Variants in MCU observed in about 807,000 individuals in gnomAD.
MCU encodes calcium uniporter protein, mitochondrial.
In MCU, 12 loss-of-function variants were observed where a neutral mutation model predicts 45.2. That is an observed-to-expected ratio of 0.27 (90% CI 0.17 to 0.43). The LOEUF is 0.43. Ranked by LOEUF, MCU falls within the 20% of genes least tolerant of loss-of-function variation. MCU has a pLI of 1.00. For missense variants in MCU, 324 were observed against 436.7 expected (o/e 0.74, Z 2.30); for synonymous variants, 160 against 165.1 (o/e 0.97, Z 0.24).
At chr10:72,788,755 A>G (rs1844114998) in intron 1 of MCU, among the ~76,000 whole-genome samples, 1 of 152,270 alleles carries the variant, frequency 6.6e-6, no homozygotes, top group Non-Finnish European at 1.5e-5. Context: ...ATGTCTTTTT[A>G]GAAAGCATTT....
intron 2 of MCU, among the ~76,000 whole-genome samples, chr10:72,852,145 C>T (rs569474714): frequency 1.3e-4 from 20 of 152,224 alleles, no homozygotes; most frequent in African/African-American, 3.9e-4. Flanking sequence ...TTAATGACTT[C>T]GTCATCATTA....
At position 72,885,995 on chromosome 10, in the gene MCU, A is replaced by G; in HGVS notation, c.*173A>G. 1 of 581,654 alleles carries G rather than the reference A, an allele frequency of 1.7e-6. No homozygotes were observed. The highest frequency in any genetic ancestry group is 3.1e-6 in the Non-Finnish European group (1 of 327,152). 36.0% of individuals were successfully genotyped at this position (581,654 alleles called of 1,614,324 possible). A position where few individuals can be genotyped will look rare whatever the true frequency, so the allele number is the denominator to read the frequency against. On this transcript the variant is annotated 3_prime_UTR_variant, in exon 8 of 8. Transcript: ENST00000373053. Reference sequence around the variant, plus strand: ...AAGGGAATGTTAAAACCTGAGGATCAGGCATTGTGGAATATAAGCTCAAAG... The same window carrying G: ...AAGGGAATGTTAAAACCTGAGGATCGGGCATTGTGGAATATAAGCTCAAAG...
rs1394305608 is a variant in MCU, at chr10:72,871,472, C to T, written c.753C>T (p.Ala251=). 2 of 1,614,078 alleles carry T rather than the reference C, an allele frequency of 1.2e-6. No homozygotes were observed. Among genetic ancestry groups the T allele is most frequent in the East Asian group, 2.2e-5 (1 of 44,884 alleles). The part of the protein sequence containing the change: ...AYMATQFGIL[A]RLTWWEYSWD... ...TGGCCACACAGTTTGGCATTTTGGCCCGGCTTACCTGGTGGGAATATTCCT... is the reference window on the plus strand; with the variant it reads ...TGGCCACACAGTTTGGCATTTTGGCTCGGCTTACCTGGTGGGAATATTCCT... The change falls in exon 6 of 8, where the codon GCC becomes GCT. Residue 251 remains alanine, a synonymous_variant. Transcript: ENST00000373053.
chr10:72,731,407 T>C (rs1452975146), intron 1 of MCU, among the ~76,000 whole-genome samples: 2 of 152,180 alleles, frequency 1.3e-5, no homozygotes, highest in Non-Finnish European at 2.9e-5. Context: ...TTAACTTCAG[T>C]GTCAAAGAGT....
intron 1 of MCU, among the ~76,000 whole-genome samples, chr10:72,711,188 A>G (rs933367098): frequency 6.6e-6 from 1 of 151,978 alleles, no homozygotes; most frequent in African/African-American, 2.4e-5. Flanking sequence ...AAAAAAAAAA[A>G]AAGTATTACA....
At chr10:72,783,628 A>G (rs1054431306) in intron 1 of MCU, among the ~76,000 whole-genome samples, 1 of 152,170 alleles carries the variant, frequency 6.6e-6, no homozygotes, top group African/African-American at 2.4e-5. Flanking sequence ...GGATAAAGAG[A>G]GGATTTTGTT....
intron 1 of MCU, chr10:72,693,136 C>A (rs963165209): frequency 1.1e-5 from 16 of 1,467,280 alleles, no homozygotes; most frequent in African/African-American, 1.4e-5. Flanking sequence ...CATTGGCTGG[C>A]AGAAAAAGAG....
chr10:72,827,945 A>G (rs1417615747), intron 1 of MCU, among the ~76,000 whole-genome samples: 1 of 152,200 alleles, frequency 6.6e-6, no homozygotes, highest in Non-Finnish European at 1.5e-5. Flanking sequence ...GATTAGAAGT[A>G]GTAAATGTTG....
chr10:72,765,778 C>T (rs1472290714), intron 1 of MCU, among the ~76,000 whole-genome samples: 4 of 124,052 alleles, frequency 3.2e-5, no homozygotes, highest in East Asian at 2.1e-4. Context: ...CAAAGCCAGA[C>T]GCTGTCTCAA....
intron 1 of MCU, among the ~76,000 whole-genome samples, chr10:72,746,832 G>T (rs1303641555): frequency 6.6e-6 from 1 of 152,186 alleles, no homozygotes; most frequent in Non-Finnish European, 1.5e-5. Context: ...TAGTTATTAT[G>T]TACTGAATTG....
rs1279772936 is a variant in MCU, at chr10:72,753,012, T to G, written c.150+60711T>G. Among the ~76,000 whole-genome samples the G allele has an allele frequency of 2.0e-5, 3 of 152,202 alleles. No homozygotes were observed. The East Asian group carries it at 5.8e-4, about 29-fold the overall frequency. ...GACATGTGGATATAAAACACCATCT[T>G]TTCTATTGAGAGGCCCTAATTTAAA... On this transcript the variant is annotated intron_variant, in intron 1 of 7. Coordinates refer to ENST00000373053, the MANE Select transcript of MCU (RefSeq NM_138357.3).
chr10:72,770,404 G>A (rs1404793407), intron 1 of MCU, among the ~76,000 whole-genome samples: 3 of 151,834 alleles, frequency 2.0e-5, no homozygotes, highest in South Asian at 2.1e-4. Flanking sequence ...CTTCAGATTT[G>A]TACTAACTCA....
intron 1 of MCU, among the ~76,000 whole-genome samples, chr10:72,830,464 G>A (rs971545472): frequency 6.6e-6 from 1 of 152,112 alleles, no homozygotes; most frequent in Non-Finnish European, 1.5e-5. Flanking sequence ...TAAGAGATAC[G>A]GAAGGGGAAA....
chr10:72,743,151 G>A (rs889248215), intron 1 of MCU, among the ~76,000 whole-genome samples: 1 of 151,996 alleles, frequency 6.6e-6, no homozygotes, highest in African/African-American at 2.4e-5. Flanking sequence ...GCTCACACCT[G>A]TAATCCCGGC....
At chr10:72,722,525 T>C (rs545939170) in intron 1 of MCU, among the ~76,000 whole-genome samples, 75 of 151,536 alleles carry the variant, frequency 4.9e-4, no homozygotes, top group East Asian at 3.7e-3. Flanking sequence ...TTCTTTCTTT[T>C]TTTTTTTTTA....
At chr10:72,788,558 G>A (rs922936354) in intron 1 of MCU, among the ~76,000 whole-genome samples, 8 of 152,138 alleles carry the variant, frequency 5.3e-5, no homozygotes, top group African/African-American at 1.4e-4. Context: ...CCCAGGAGTT[G>A]GAGGCTGCAG....
intron 1 of MCU, among the ~76,000 whole-genome samples, chr10:72,699,485 T>C (rs558635787): frequency 6.6e-6 from 1 of 151,458 alleles, no homozygotes; most frequent in African/African-American, 2.4e-5. Flanking sequence ...CCAGCCTGGG[T>C]GACAGAGCAA....
At chr10:72,830,139 C>T (rs557606482) in intron 1 of MCU, among the ~76,000 whole-genome samples, 1 of 152,284 alleles carries the variant, frequency 6.6e-6, no homozygotes, top group African/African-American at 2.4e-5. Flanking sequence ...CAGCTATATA[C>T]CAACCACTCA....
At chr10:72,759,611 C>G (rs932243260) in intron 1 of MCU, among the ~76,000 whole-genome samples, 23 of 152,064 alleles carry the variant, frequency 1.5e-4, no homozygotes, top group East Asian at 1.9e-4. Flanking sequence ...TAAAAACTCT[C>G]AGTACAAAAA....
Sources: allele counts gnomAD v4.1 joint callset (sites outside exome capture counted in the v4.1 genomes callset), GRCh38; gene constraint gnomAD v4.1.1; transcripts MANE v1.5; gene names NCBI Gene and HGNC (gene_info 2026-07-23, HGNC 2026-07-21).